The following TRRAP variants were observed in gnomAD, a reference collection of about 807,000 sequenced individuals.
The protein encoded by TRRAP is transformation/transcription domain associated protein, also known as transformation/transcription domain-associated protein.
A neutral mutation model predicts 438.8 loss-of-function variants in TRRAP; 41 were observed. The ratio of observed to expected loss-of-function variants is 0.09; its 90% confidence interval spans 0.07 to 0.12. The LOEUF is 0.12. Ranked by LOEUF, TRRAP falls within the 10% of genes least tolerant of loss-of-function variation. The pLI is 1.00. For synonymous variants in TRRAP, 1,994 were observed against 1,962.9 expected (o/e 1.02, Z -0.42); for missense variants, 3,122 against 5,055.1 (o/e 0.62, Z 11.60).
intron 4 of TRRAP, 76 bp downstream of exon 4, chr7:98,890,521 T>C: frequency 9.5e-7 from 1 of 1,054,396 alleles, no homozygotes; most frequent in Admixed American, 3.5e-5. Context: ...TCAGAAAACT[T>C]ACGGTTCCAC....
intron 20 of TRRAP, among the ~76,000 whole-genome samples, chr7:98,921,117 G>A (rs1554410424): frequency 2.0e-5 from 3 of 152,118 alleles, no homozygotes; most frequent in Admixed American, 6.6e-5. Context: ...GATTACAGGC[G>A]TGAGCAGCAT....
At chr7:98,934,410 AT>A (rs1222926759) in intron 27 of TRRAP, among the ~76,000 whole-genome samples, 24 of 152,196 alleles carry the variant, frequency 1.6e-4, no homozygotes, top group African/African-American at 5.5e-4. Flanking sequence ...TTTATACCTT[AT>A]CATTTGTAAG....
At chr7:98,906,476 G>A (rs181442575) in intron 13 of TRRAP, among the ~76,000 whole-genome samples, 199 of 151,188 alleles carry the variant, frequency 1.3e-3, no homozygotes, top group African/African-American at 4.2e-3. Flanking sequence ...TCTGTCACCC[G>A]GGCTGGAGTA....
intron 5 of TRRAP, among the ~76,000 whole-genome samples, chr7:98,893,096 C>T (rs1192403293): frequency 6.6e-6 from 1 of 152,020 alleles, no homozygotes; most frequent in African/African-American, 2.4e-5. Context: ...GGATTACAGG[C>T]CCTTGCCACC....
chr7:98,890,371 G>C lies in TRRAP; in HGVS notation c.187G>C (p.Glu63Gln), dbSNP rs1554404634. Residue 63 changes from glutamate (E) to glutamine (Q), a missense_variant, in exon 4 of 73, where the codon GAA becomes CAA. Physicochemically the swap from Glu to Gln is conservative, Grantham distance 29 (BLOSUM62 2). Around this residue, in one of 24 missense-constraint regions of TRRAP, gnomAD observed 343 missense variants for 564.0 expected, o/e 0.61. Transcript: ENST00000456197. ...ATCTCCTCAGTATTCTACATTCCTA[G>C]AACATATCATCCCTCGATTCCTTAC... is the stretch of plus-strand genomic sequence containing the variant. ...TSSPQYSTFL[E>Q]HIIPRFLTFL... 2 of 1,605,028 alleles carry C rather than the reference G, an allele frequency of 1.2e-6. No homozygotes were observed. The highest frequency in any genetic ancestry group is 2.7e-5 in the African/African-American group (2 of 74,434).
At chr7:98,935,738 GA>G (rs1183155578) in intron 28 of TRRAP, 63 bp downstream of exon 28, 71 of 1,313,294 alleles carry the variant, frequency 5.4e-5, no homozygotes, top group South Asian at 2.7e-4. Flanking sequence ...GAGGTCTATA[GA>G]AAAAAAAAGT....
chr7:98,925,856 A>G (rs1420191614), intron 22 of TRRAP, among the ~76,000 whole-genome samples: 2 of 152,214 alleles, frequency 1.3e-5, no homozygotes, highest in Non-Finnish European at 2.9e-5. Context: ...AGGACATTGA[A>G]GAGAGAGGAG....
intron 14 of TRRAP, among the ~76,000 whole-genome samples, chr7:98,909,535 C>A (rs782737543): frequency 6.6e-6 from 1 of 152,200 alleles, no homozygotes; most frequent in Non-Finnish European, 1.5e-5. Flanking sequence ...TAGCACACTT[C>A]CTGGCAAGTA....
At position 98,958,078 on chromosome 7, in the gene TRRAP, G is replaced by A. The variant is rs1289019710; in HGVS notation, c.6329G>A (p.Arg2110His). The A allele has an allele frequency of 3.1e-6, 5 of 1,613,862 alleles. No individual in the cohort carries two copies. Among genetic ancestry groups the A allele is most frequent in the African/African-American group, 1.3e-5 (1 of 74,886 alleles). The change falls in exon 44 of 73, where the codon CGC becomes CAC. Residue 2110 changes from arginine (R) to histidine (H), a missense_variant. Arg to His is a conservative substitution (Grantham distance 29, BLOSUM62 0). This residue lies in a region of TRRAP where 992 missense variants were observed against 1,281.2 expected (regional missense o/e 0.77). Coordinates refer to ENST00000456197, the MANE Select transcript of TRRAP (RefSeq NM_001375524.1). Reference sequence around the variant, plus strand: ...GACACTGTGGTGAACTTCCTTATCCGCGTGGCCTGTCAGGTACGGGATCCA... The same window carrying A: ...GACACTGTGGTGAACTTCCTTATCCACGTGGCCTGTCAGGTACGGGATCCA... ...HTDTVVNFLI[R>H]VACQVNDNTN...
At chr7:98,959,937 A>T (rs182967476) in intron 45 of TRRAP, among the ~76,000 whole-genome samples, 7 of 116,576 alleles carry the variant, frequency 6.0e-5, no homozygotes, top group African/African-American at 2.5e-4. Flanking sequence ...CTGGTCTCTT[A>T]AAAAAAAAAA....
intron 58 of TRRAP, among the ~76,000 whole-genome samples, chr7:98,980,996 G>A (rs1480164541): frequency 6.6e-6 from 1 of 152,174 alleles, no homozygotes; most frequent in East Asian, 1.9e-4. Context: ...GCTGTAGTGT[G>A]CTATGAGCAT....
intron 67 of TRRAP, among the ~76,000 whole-genome samples, chr7:99,000,491 T>C (rs1562979352): frequency 1.3e-5 from 2 of 152,230 alleles, no homozygotes. Flanking sequence ...TCCTCCACAG[T>C]GTTTCCCTCC....
chr7:98,901,054 T>G (rs1240647437), intron 11 of TRRAP, among the ~76,000 whole-genome samples: 2 of 152,252 alleles, frequency 1.3e-5, no homozygotes, highest in African/African-American at 4.8e-5. Flanking sequence ...AATGTGGAGA[T>G]AGGACCTTGT....
rs545788907 is a variant in TRRAP at position 98,968,376 on chromosome 7, C to T, written c.7512+678C>T. 3.9e-5 allele frequency among the ~76,000 whole-genome samples: 6 copies of T among 152,288 alleles called. No individual in the cohort carries two copies. The South Asian group carries it at 8.3e-4, about 21-fold the overall frequency. On this transcript the variant is annotated intron_variant, in intron 51 of 72. Coordinates refer to ENST00000456197, the MANE Select transcript of TRRAP (RefSeq NM_001375524.1). The stretch of plus-strand genomic sequence containing the variant: ...CCGGGCCAGGGCCTGACCACGCTGT[C>T]GGTTTTGGTTCCTTAGTGTGAGGAG...
chr7:98,926,117 A>C (rs1021829704), intron 22 of TRRAP, among the ~76,000 whole-genome samples: 4 of 152,238 alleles, frequency 2.6e-5, no homozygotes, highest in African/African-American at 9.6e-5. Context: ...TCCAGAACAC[A>C]TGCAGAGAGA....
At chr7:98,881,925 A>G in intron 2 of TRRAP, 50 bp from the exon 3 acceptor site, 1 of 1,582,772 alleles carries the variant, frequency 6.3e-7, no homozygotes, top group Non-Finnish European at 8.6e-7. Flanking sequence ...CATTAACATA[A>G]TTTCCTTAAC....
intron 44 of TRRAP, among the ~76,000 whole-genome samples, chr7:98,959,062 CCCTGCAGTG>C (rs1791759963): frequency 6.6e-6 from 1 of 152,110 alleles, no homozygotes; most frequent in Non-Finnish European, 1.5e-5. Context: ...TTCCTTGCCT[CCCTGCAGTG>C]TGCAGGGAGG....
chr7:98,935,642 C>G lies in TRRAP; in HGVS notation c.4078C>G (p.Pro1360Ala). The G allele has an allele frequency of 6.2e-7, 1 of 1,604,322 alleles. No homozygotes were observed. Among genetic ancestry groups the G allele is most frequent in the Non-Finnish European group, 8.5e-7 (1 of 1,172,032 alleles). Residue 1360 changes from proline (P) to alanine (A), a missense_variant, in exon 28 of 73, where the codon CCG (proline) becomes GCG (alanine). Coordinates refer to ENST00000456197, the MANE Select transcript of TRRAP (RefSeq NM_001375524.1). ...AAAGCTGCCCTGTTATAAAAGCCTT[C>G]CGTCACTCGTACCTTTACGAATTGC... ...LTKLPCYKSL[P>A]SLVPLRIAAL...
chr7:98,969,279 C>G (rs927209058), intron 51 of TRRAP, among the ~76,000 whole-genome samples: 3 of 152,248 alleles, frequency 2.0e-5, no homozygotes, highest in African/African-American at 7.2e-5. Flanking sequence ...CCCCCTGCCT[C>G]TCTCTGCATC....
Sources: gnomAD v4.1 joint callset for allele counts (sites outside exome capture counted in the v4.1 genomes callset) on GRCh38, gnomAD v4.1.1 for gene constraint, gnomAD v4.1.1 regional missense constraint, MANE v1.5 for transcripts, NCBI Gene and HGNC (gene_info 2026-07-23, HGNC 2026-07-21) for gene names.